The following SRRM4 variants were observed in gnomAD, a reference collection of about 807,000 sequenced individuals.
The protein encoded by SRRM4 is serine/arginine repetitive matrix protein 4.
Under a neutral mutation model 68.9 loss-of-function variants are expected in SRRM4, and 33 were observed. That is an observed-to-expected ratio of 0.48 (90% CI 0.36 to 0.64). SRRM4 has a LOEUF of 0.64. SRRM4 is among the 30% of genes least tolerant of loss of function. The pLI, the probability that SRRM4 is intolerant of heterozygous loss-of-function variation, is 0.00. For synonymous variants in SRRM4, 318 were observed against 318.8 expected, an observed-to-expected ratio of 1.00 and a Z score of 0.03; for missense variants, 817 against 827.1, an observed-to-expected ratio of 0.99 and a Z score of 0.15.
chr12:119,083,294 C>A (rs1031058284), intron 1 of SRRM4, among the ~76,000 whole-genome samples: 4 of 151,996 alleles, frequency 2.6e-5, no homozygotes, highest in African/African-American at 9.7e-5. Context: ...TTTCATTTTG[C>A]CTCATTCAGC....
intron 1 of SRRM4, among the ~76,000 whole-genome samples, chr12:119,088,633 G>A (rs1424413100): frequency 6.6e-6 from 1 of 151,388 alleles, no homozygotes; most frequent in African/African-American, 2.4e-5. Context: ...AAGAGATGCT[G>A]GAACACAGTG....
At chr12:119,143,432 T>C (rs1333429439) in intron 8 of SRRM4, among the ~76,000 whole-genome samples, 1 of 152,224 alleles carries the variant, frequency 6.6e-6, no homozygotes, top group Non-Finnish European at 1.5e-5. Context: ...TGTTTATAAA[T>C]AAGTCAGCAA....
chr12:119,117,937 A>AAACT (rs924940103), intron 4 of SRRM4, among the ~76,000 whole-genome samples: 1 of 152,044 alleles, frequency 6.6e-6, no homozygotes, highest in African/African-American at 2.4e-5. Context: ...ACAAACAAAC[A>AAACT]AAGGATATAC....
intron 1 of SRRM4, among the ~76,000 whole-genome samples, chr12:119,043,478 C>A (rs1394022814): frequency 6.6e-6 from 1 of 152,140 alleles, no homozygotes; most frequent in Non-Finnish European, 1.5e-5. Flanking sequence ...TTGCAGCAAA[C>A]CACCATGGCA....
chr12:119,121,025 C>T (rs1471523201), intron 5 of SRRM4, among the ~76,000 whole-genome samples: 1 of 152,234 alleles, frequency 6.6e-6, no homozygotes, highest in African/African-American at 2.4e-5. Context: ...TGTCCTCTGT[C>T]CACTCAGCTC....
intron 5 of SRRM4, among the ~76,000 whole-genome samples, chr12:119,120,569 C>A (rs1328632536): frequency 6.6e-6 from 1 of 152,096 alleles, no homozygotes; most frequent in African/African-American, 2.4e-5. Context: ...TGAACTGGGG[C>A]ACATAGGGAA....
At chr12:119,051,006 G>T (rs913687410) in intron 1 of SRRM4, among the ~76,000 whole-genome samples, 4 of 152,144 alleles carry the variant, frequency 2.6e-5, no homozygotes, top group Non-Finnish European at 5.9e-5. Flanking sequence ...AGGTTGCAGA[G>T]CCAGAACAGT....
At chr12:119,015,425 A>G (rs968291321) in intron 1 of SRRM4, among the ~76,000 whole-genome samples, 3 of 152,168 alleles carry the variant, frequency 2.0e-5, no homozygotes, top group Non-Finnish European at 4.4e-5. Flanking sequence ...AAACCAAACC[A>G]GTTCCATATC....
chr12:118,995,963 T>G (rs1164304033), intron 1 of SRRM4, among the ~76,000 whole-genome samples: 1 of 152,220 alleles, frequency 6.6e-6, no homozygotes, highest in Non-Finnish European at 1.5e-5. Flanking sequence ...GTTTCTCTAT[T>G]CATCCATTCT....
intron 1 of SRRM4, among the ~76,000 whole-genome samples, chr12:119,032,033 T>C (rs1953595092): frequency 6.6e-6 from 1 of 152,202 alleles, no homozygotes. Flanking sequence ...TATCTAAAGT[T>C]CATTTTTGAT....
chr12:119,145,776 C>T (rs1427388891), intron 9 of SRRM4, 91 bp downstream of exon 9: 1 of 1,123,984 alleles, frequency 8.9e-7, no homozygotes. Context: ...CACTCCACCC[C>T]CAAGATTATT....
intron 1 of SRRM4, among the ~76,000 whole-genome samples, chr12:119,024,325 T>G (rs1359770912): frequency 6.6e-6 from 1 of 152,196 alleles, no homozygotes; most frequent in Non-Finnish European, 1.5e-5. Context: ...CCAAGCTCAC[T>G]GCTACCTTGC....
intron 1 of SRRM4, among the ~76,000 whole-genome samples, chr12:119,029,015 G>C (rs1382522025): frequency 6.6e-6 from 1 of 152,110 alleles, no homozygotes; most frequent in Non-Finnish European, 1.5e-5. Flanking sequence ...AGACAGAAAG[G>C]GACAACGAAG....
At chr12:119,106,117 T>G (rs1388325010) in intron 2 of SRRM4, among the ~76,000 whole-genome samples, 1 of 152,200 alleles carries the variant, frequency 6.6e-6, no homozygotes, top group African/African-American at 2.4e-5. Flanking sequence ...ATCAAATGGT[T>G]GTAGACGTGT....
rs189044940 is a variant in SRRM4, at chr12:119,085,877, G to C, written c.132-16359G>C. On this transcript the variant is annotated intron_variant, in intron 1 of 12. Coordinates refer to ENST00000267260, the MANE Select transcript of SRRM4 (RefSeq NM_194286.4). Reference sequence around the variant, plus strand: ...GAGAGAAAGAGGATGGAGGGTGGTGGCCAGGCTGCTGCTTGGATGAGTAGG... The same window carrying C: ...GAGAGAAAGAGGATGGAGGGTGGTGCCCAGGCTGCTGCTTGGATGAGTAGG... Among the ~76,000 whole-genome samples, 20 of 152,218 alleles carry C rather than the reference G, an allele frequency of 1.3e-4. No individual in the cohort carries two copies. The East Asian group carries it at 3.5e-3, about 27-fold the overall frequency.
chr12:119,109,665 CCAT>C (rs1351731983), intron 2 of SRRM4, among the ~76,000 whole-genome samples: 2 of 152,126 alleles, frequency 1.3e-5, no homozygotes, highest in Non-Finnish European at 2.9e-5. Flanking sequence ...ATTTTCAGCT[CCAT>C]CAGGTCATTT....
chr12:119,007,281 A>T (rs1425717582), intron 1 of SRRM4, among the ~76,000 whole-genome samples: 1 of 152,242 alleles, frequency 6.6e-6, no homozygotes, highest in East Asian at 1.9e-4. Flanking sequence ...AATATTCATC[A>T]CTTGTATTAA....
At position 119,000,265 on chromosome 12, in the gene SRRM4, C is replaced by T. The variant is rs75652851; in HGVS notation, c.131+18252C>T. On this transcript the variant is annotated intron_variant, in intron 1 of 12. Transcript: ENST00000267260. Reference sequence around the variant, plus strand: ...AAAGCAGTGCAATATGCTGTAGCTGCCCAGCCACACACCTCGGAGTCGTTT... The same window carrying T: ...AAAGCAGTGCAATATGCTGTAGCTGTCCAGCCACACACCTCGGAGTCGTTT... Among the ~76,000 whole-genome samples, 41 of 152,298 alleles carry T rather than the reference C, an allele frequency of 2.7e-4. No homozygotes were observed. In the East Asian group the frequency reaches 7.7e-3, roughly 29 times the overall value.
chr12:119,124,999 C>A (rs1429811500), intron 6 of SRRM4, among the ~76,000 whole-genome samples: 1 of 152,170 alleles, frequency 6.6e-6, no homozygotes, highest in East Asian at 1.9e-4. Context: ...CTGGGCTGAT[C>A]CACATATTTA....
Sources: gnomAD v4.1 joint callset for allele counts (sites outside exome capture counted in the v4.1 genomes callset) on GRCh38, gnomAD v4.1.1 for gene constraint, MANE v1.5 for transcripts, NCBI Gene and HGNC (gene_info 2026-07-23, HGNC 2026-07-21) for gene names.